The following TAFA5 variants were observed in gnomAD, a reference collection of about 807,000 sequenced individuals.
TAFA5 encodes the protein TAFA chemokine like family member 5.
A neutral mutation model predicts 15.3 loss-of-function variants in TAFA5; 6 were observed. The ratio of observed to expected loss-of-function variants is 0.39; its 90% CI spans 0.21 to 0.77. The LOEUF (loss-of-function observed/expected upper bound fraction) is 0.77, where lower values mean the gene tolerates loss of function less well. TAFA5 is among the 30% of genes least tolerant of loss of function. TAFA5 has a pLI of 0.41. For synonymous variants in TAFA5, 103 were observed against 80.7 expected, an observed-to-expected ratio of 1.28 and a Z score of -1.48; for missense variants, 161 against 193.1, an observed-to-expected ratio of 0.83 and a Z score of 0.98.
chr22:48,534,439 C>G (rs1483395311), intron 1 of TAFA5, among the ~76,000 whole-genome samples: 1 of 152,094 alleles, frequency 6.6e-6, no homozygotes, highest in Admixed American at 6.5e-5. Flanking sequence ...ATGGCCAGCT[C>G]TAGGACTGAG....
intron 2 of TAFA5, among the ~76,000 whole-genome samples, chr22:48,663,430 G>A (rs1927512586): frequency 6.6e-6 from 1 of 152,112 alleles, no homozygotes; most frequent in South Asian, 2.1e-4. Flanking sequence ...TGTAGGCAAA[G>A]GGCAAAGTGC....
At chr22:48,741,178 G>C (rs1224468220) in intron 3 of TAFA5, among the ~76,000 whole-genome samples, 1 of 152,132 alleles carries the variant, frequency 6.6e-6, no homozygotes, top group African/African-American at 2.4e-5. Flanking sequence ...TTCCACCCCA[G>C]CCCCTTGGTG....
At chr22:48,578,630 G>C (rs114289595) in intron 1 of TAFA5, among the ~76,000 whole-genome samples, 8 of 152,352 alleles carry the variant, frequency 5.3e-5, no homozygotes, top group African/African-American at 1.7e-4. Context: ...AGGTACCTTT[G>C]GAGGAGCGAT....
intron 2 of TAFA5, among the ~76,000 whole-genome samples, chr22:48,666,563 C>T (rs889990544): frequency 1.1e-4 from 17 of 152,360 alleles, no homozygotes; most frequent in East Asian, 1.9e-4. Flanking sequence ...CCAGTCAGTA[C>T]GGAGGCCCGT....
chr22:48,607,578 C>T lies in TAFA5; in HGVS notation c.113-39019C>T, dbSNP rs112892074. On this transcript the variant is annotated intron_variant, in intron 1 of 3. Coordinates refer to ENST00000402357, the MANE Select transcript of TAFA5 (RefSeq NM_001082967.3). ...GGCCTGGCCCACCCATCCCAGGTACCTCAGCCTGGAGCAGATCTGTCCTGG... is the reference window on the plus strand; with the variant it reads ...GGCCTGGCCCACCCATCCCAGGTACTTCAGCCTGGAGCAGATCTGTCCTGG... Among the ~76,000 whole-genome samples the T allele has an allele frequency of 3.5e-3, 427 of 122,450 alleles. 21 individuals are homozygous for T. The highest frequency in any genetic ancestry group is 0.025 in the South Asian group (104 of 4,210). 80.3% of individuals were successfully genotyped at this position (122,450 alleles called of 152,430 possible).
chr22:48,605,414 G>GTGT (rs1925151643), intron 1 of TAFA5, among the ~76,000 whole-genome samples: 48 of 146,604 alleles, frequency 3.3e-4, no homozygotes, highest in South Asian at 6.7e-4. Context: ...GGTGGTGATG[G>GTGT]TGAGGATGGT....
intron 1 of TAFA5, among the ~76,000 whole-genome samples, chr22:48,622,737 C>G (rs1231839979): frequency 6.6e-6 from 1 of 152,248 alleles, no homozygotes; most frequent in African/African-American, 2.4e-5. Flanking sequence ...CGATGCGGGA[C>G]AGCCCACGCT....
chr22:48,699,868 C>T (rs565362571), intron 2 of TAFA5, among the ~76,000 whole-genome samples: 10 of 152,250 alleles, frequency 6.6e-5, no homozygotes, highest in Admixed American at 2.6e-4. Flanking sequence ...GGGAAGCACA[C>T]ACAGTGTGGC....
chr22:48,523,996 C>G (rs133491), intron 1 of TAFA5, among the ~76,000 whole-genome samples: 3 of 152,114 alleles, frequency 2.0e-5, no homozygotes, highest in African/African-American at 7.2e-5. Flanking sequence ...CCAACCTGCC[C>G]CGGGGCCGGG....
At chr22:48,655,851 T>TG (rs1927223560) in intron 2 of TAFA5, among the ~76,000 whole-genome samples, 1 of 141,898 alleles carries the variant, frequency 7.0e-6, no homozygotes, top group South Asian at 2.4e-4. Flanking sequence ...TTTTTTTTTT[T>TG]TTTTTTGAGA....
intron 1 of TAFA5, among the ~76,000 whole-genome samples, chr22:48,590,760 C>T (rs1033896032): frequency 6.6e-6 from 1 of 152,122 alleles, no homozygotes; most frequent in Non-Finnish European, 1.5e-5. Flanking sequence ...TTTCCTATTC[C>T]AGTTGGAATC....
chr22:48,644,854 A>G (rs874087), intron 1 of TAFA5, among the ~76,000 whole-genome samples: 8,001 of 152,262 alleles, frequency 0.053, 302 homozygotes, highest in East Asian at 0.13. Flanking sequence ...CGCACCCACC[A>G]CGGCTTTCCT....
At chr22:48,534,165 C>T (rs1280538295) in intron 1 of TAFA5, among the ~76,000 whole-genome samples, 1 of 146,136 alleles carries the variant, frequency 6.8e-6, no homozygotes, top group Non-Finnish European at 1.5e-5. Flanking sequence ...GTGAGGGGGG[C>T]CAGGCAGGTG....
intron 3 of TAFA5, among the ~76,000 whole-genome samples, chr22:48,725,952 C>G (rs1395363825): frequency 6.6e-6 from 1 of 152,152 alleles, no homozygotes; most frequent in Admixed American, 6.6e-5. Context: ...CAAAAACACC[C>G]TGGATCTAGC....
chr22:48,744,923 C>CTAA (rs1569103035), intron 3 of TAFA5, among the ~76,000 whole-genome samples: 1 of 151,722 alleles, frequency 6.6e-6, no homozygotes, highest in African/African-American at 2.4e-5. Flanking sequence ...CCATGGCCTG[C>CTAA]TTTTGTACTT....
At chr22:48,654,815 G>A (rs1309897227) in intron 2 of TAFA5, among the ~76,000 whole-genome samples, 3 of 152,206 alleles carry the variant, frequency 2.0e-5, no homozygotes, top group African/African-American at 7.2e-5. Context: ...AGCCTCCCAG[G>A]CAGAAGGCCC....
At chr22:48,699,769 C>T (rs1928845530) in intron 2 of TAFA5, among the ~76,000 whole-genome samples, 2 of 152,188 alleles carry the variant, frequency 1.3e-5, no homozygotes, top group Non-Finnish European at 2.9e-5. Context: ...CCAATTATTG[C>T]AGCGACTGCG....
intron 1 of TAFA5, among the ~76,000 whole-genome samples, chr22:48,517,007 C>T (rs1320808182): frequency 2.6e-5 from 4 of 152,208 alleles, no homozygotes; most frequent in African/African-American, 9.6e-5. Context: ...TTGCATTCTG[C>T]TGGCATCTAG....
intron 3 of TAFA5, among the ~76,000 whole-genome samples, chr22:48,747,895 TAAAAA>T (rs130233): frequency 1.6e-5 from 2 of 121,596 alleles, no homozygotes; most frequent in African/African-American, 3.1e-5. Context: ...AGACTCTGTC[TAAAAA>T]AAAAAAAAAA....
Sources: gnomAD v4.1 joint callset for allele counts (sites outside exome capture counted in the v4.1 genomes callset) on GRCh38, gnomAD v4.1.1 for gene constraint, MANE v1.5 for transcripts, NCBI Gene and HGNC (gene_info 2026-07-23, HGNC 2026-07-21) for gene names.